VPS13B: variants seen among roughly 807,000 people sequenced by gnomAD.
VPS13B encodes vacuolar protein sorting 13 homolog B.
In VPS13B, 285 loss-of-function variants were observed where a neutral mutation model predicts 426.4. That is an observed-to-expected ratio of 0.67 (90% CI 0.61 to 0.74). The LOEUF (loss-of-function observed/expected upper bound fraction) is 0.74, where lower values mean the gene tolerates loss of function less well. Among genes scored for constraint, VPS13B ranks in the 30% least tolerant of loss-of-function variants. The pLI is 0.00. For synonymous variants in VPS13B, 1,676 were observed against 1,676.4 expected, an observed-to-expected ratio of 1.00 and a Z score of 0.01; for missense variants, 4,537 against 4,782.6, an observed-to-expected ratio of 0.95 and a Z score of 1.51.
At chr8:99,519,962 A>G (rs1822286510) in intron 29 of VPS13B, among the ~76,000 whole-genome samples, 2 of 152,116 alleles carry the variant, frequency 1.3e-5, no homozygotes, top group Non-Finnish European at 2.9e-5. Flanking sequence ...AAAAAATGTA[A>G]ATGTAATGAA....
At chr8:99,402,270 C>T (rs1242215924) in intron 21 of VPS13B, among the ~76,000 whole-genome samples, 1 of 152,092 alleles carries the variant, frequency 6.6e-6, no homozygotes, top group African/African-American at 2.4e-5. Flanking sequence ...CTTCATGTCC[C>T]CCAGACTCCA....
At chr8:99,158,926 G>A (rs181236099) in intron 15 of VPS13B, among the ~76,000 whole-genome samples, 3 of 152,252 alleles carry the variant, frequency 2.0e-5, no homozygotes, top group Admixed American at 1.3e-4. Flanking sequence ...ATTTTGTAAG[G>A]CTTATAGCTA....
At chr8:99,553,524 CAT>C (rs1411676182) in intron 30 of VPS13B, among the ~76,000 whole-genome samples, 1 of 152,032 alleles carries the variant, frequency 6.6e-6, no homozygotes, top group Non-Finnish European at 1.5e-5. Flanking sequence ...CCATAATAGT[CAT>C]AAAATCTACA....
At chr8:99,570,300 G>A (rs1004721474) in intron 31 of VPS13B, among the ~76,000 whole-genome samples, 1 of 151,622 alleles carries the variant, frequency 6.6e-6, no homozygotes, top group Non-Finnish European at 1.5e-5. Context: ...CTTTCTTTCT[G>A]TTCTCTCATT....
In VPS13B at chr8:99,467,516, C is replaced by T. The variant is rs776268245; in HGVS notation, c.3548C>T (p.Ser1183Phe). The change falls in exon 24 of 62, where the codon TCC (serine) becomes TTC (phenylalanine). Residue 1183 changes from serine to phenylalanine, a missense_variant. By Grantham distance (155) the Ser-to-Phe change is radical. Transcript: ENST00000357162. Reference sequence around the variant, plus strand: ...CTAGTGGAACCTATGGGTTGCACCTCCACTCTAGCTGTCACGTCTCAAAAA... The same window carrying T: ...CTAGTGGAACCTATGGGTTGCACCTTCACTCTAGCTGTCACGTCTCAAAAA... ...LCLVEPMGCT[S>F]TLAVTSQKLL... is the part of the protein sequence containing the mutation. The T allele has an allele frequency of 6.2e-7, 1 of 1,613,804 alleles. No individual in the cohort carries two copies. Among genetic ancestry groups the T allele is most frequent in the East Asian group, 2.2e-5 (1 of 44,864 alleles).
chr8:99,179,088 T>G (rs1812799790), intron 16 of VPS13B, among the ~76,000 whole-genome samples: 1 of 152,200 alleles, frequency 6.6e-6, no homozygotes, highest in South Asian at 2.1e-4. Flanking sequence ...ATTGTTCAGA[T>G]TTCAACTGAC....
intron 59 of VPS13B, 26 bp from the exon 60 acceptor site, chr8:99,870,759 A>G (rs772420033): frequency 6.2e-7 from 1 of 1,610,708 alleles, no homozygotes; most frequent in South Asian, 1.1e-5. Context: ...ACAAGTAGTA[A>G]AACTCCCTTA....
At chr8:99,644,796 C>G (rs1484021133) in intron 34 of VPS13B, among the ~76,000 whole-genome samples, 1 of 151,910 alleles carries the variant, frequency 6.6e-6, no homozygotes, top group African/African-American at 2.4e-5. Flanking sequence ...TCAGAAGACC[C>G]AAAAGGAGGC....
At chr8:99,028,230 C>G (rs1406781769) in intron 2 of VPS13B, among the ~76,000 whole-genome samples, 1 of 151,902 alleles carries the variant, frequency 6.6e-6, no homozygotes, top group African/African-American at 2.4e-5. Context: ...CCGCTGGGCA[C>G]ACCTCCCAGA....
At chr8:99,016,620 C>T (rs1301942051) in intron 2 of VPS13B, among the ~76,000 whole-genome samples, 1 of 110,128 alleles carries the variant, frequency 9.1e-6, no homozygotes, top group Non-Finnish European at 1.7e-5. Context: ...GAGACGGAGT[C>T]TCGCTCTGTT....
intron 16 of VPS13B, among the ~76,000 whole-genome samples, chr8:99,182,402 T>C (rs1812989475): frequency 6.6e-6 from 1 of 151,904 alleles, no homozygotes; most frequent in Non-Finnish European, 1.5e-5. Context: ...CTTTTTGGGG[T>C]GAGGGTTATA....
intron 3 of VPS13B, among the ~76,000 whole-genome samples, chr8:99,081,355 T>A (rs1845444009): frequency 6.6e-6 from 1 of 152,222 alleles, no homozygotes; most frequent in Non-Finnish European, 1.5e-5. Context: ...CCTCAATGTT[T>A]TTATCTAGTC....
intron 24 of VPS13B, among the ~76,000 whole-genome samples, chr8:99,476,242 C>T (rs916834480): frequency 3.9e-5 from 6 of 152,096 alleles, no homozygotes; most frequent in Admixed American, 3.9e-4. Flanking sequence ...AACTAAAAGA[C>T]TTGGAGAGGG....
intron 35 of VPS13B, among the ~76,000 whole-genome samples, chr8:99,686,482 A>G (rs1053789280): frequency 6.6e-6 from 1 of 152,012 alleles, no homozygotes; most frequent in African/African-American, 2.4e-5. Flanking sequence ...GATGCTGTCC[A>G]GGAGCCAGGG....
At chr8:99,615,190 T>G (rs1254412370) in intron 33 of VPS13B, among the ~76,000 whole-genome samples, 3 of 152,082 alleles carry the variant, frequency 2.0e-5, no homozygotes, top group Non-Finnish European at 4.4e-5. Flanking sequence ...TTCTAAAATT[T>G]GCCTTTGTTT....
At chr8:99,810,596 A>C (rs1245230906) in intron 44 of VPS13B, among the ~76,000 whole-genome samples, 1 of 152,266 alleles carries the variant, frequency 6.6e-6, no homozygotes, top group Non-Finnish European at 1.5e-5. Flanking sequence ...GGAGTCTCAG[A>C]AAAGAAGCAT....
At position 99,695,880 on chromosome 8, in the gene VPS13B, T is replaced by C. The variant is rs560316613; in HGVS notation, c.6047-3645T>C. 2.0e-5 allele frequency: 3 copies of C among 152,162 alleles called. No individual in the cohort carries two copies. The South Asian group carries it at 6.2e-4, about 32-fold the overall frequency. The allele number at this position is 152,162 out of a possible 1,614,324, so 9.4% of individuals were successfully genotyped here. Reference sequence around the variant, plus strand: ...GCCCTGCTCATGAAGATGTAGAATATTAAGTATGAGTGAATGCTGTAATCA... The same window carrying C: ...GCCCTGCTCATGAAGATGTAGAATACTAAGTATGAGTGAATGCTGTAATCA... On this transcript the variant is annotated intron_variant, in intron 35 of 61. Coordinates refer to ENST00000357162, the MANE Select transcript of VPS13B (RefSeq NM_152564.5).
intron 61 of VPS13B, chr8:99,873,262 T>C (rs1817523328): frequency 6.6e-6 from 1 of 152,152 alleles, no homozygotes; most frequent in Non-Finnish European, 1.5e-5. Flanking sequence ...TGTATTTTTG[T>C]TTGAGGCAGG....
chr8:99,539,587 A>T (rs1033770141), intron 30 of VPS13B, among the ~76,000 whole-genome samples: 1 of 152,116 alleles, frequency 6.6e-6, no homozygotes, highest in African/African-American at 2.4e-5. Context: ...CTCTACAAAA[A>T]ATTAAAACAT....
Sources: allele counts gnomAD v4.1 joint callset (sites outside exome capture counted in the v4.1 genomes callset), GRCh38; gene constraint gnomAD v4.1.1; transcripts MANE v1.5; gene names NCBI Gene and HGNC (gene_info 2026-07-23, HGNC 2026-07-21).